Variants in SAMD12 observed in about 807,000 individuals in gnomAD.
The protein encoded by SAMD12 is sterile alpha motif domain containing 12.
In SAMD12, 9 loss-of-function variants were observed where a neutral mutation model predicts 15.0. The observed-to-expected ratio is 0.60, with a 90% CI of 0.36 to 1.05. The LOEUF is 1.05. Among genes scored for constraint, SAMD12 ranks in the 50% least tolerant of loss-of-function variants. The pLI is 0.01. For synonymous variants in SAMD12, 86 were observed against 90.1 expected, an observed-to-expected ratio of 0.96 and a Z score of 0.25; for missense variants, 230 against 234.2, an observed-to-expected ratio of 0.98 and a Z score of 0.12.
intron 2 of SAMD12, among the ~76,000 whole-genome samples, chr8:118,538,795 G>A (rs1825914930): frequency 6.6e-6 from 1 of 152,178 alleles, no homozygotes; most frequent in Non-Finnish European, 1.5e-5. Flanking sequence ...AGGTGTTCCT[G>A]CAGGAAGGAT....
rs550176801 is a variant in SAMD12 at position 118,276,648 on chromosome 8, T to C, written c.434-78916A>G. Among the ~76,000 whole-genome samples, 7 of 152,280 alleles carry C rather than the reference T, an allele frequency of 4.6e-5. No homozygotes were observed. The South Asian group carries it at 1.5e-3, about 32-fold the overall frequency. On this transcript the variant is annotated intron_variant, in intron 4 of 4. Transcript: ENST00000409003. ...TTGTTTTTACAACTTTTTTGTTTTGTAGTATTTGTTTCATTTTTCTATATT... is the reference window on the plus strand; with the variant it reads ...TTGTTTTTACAACTTTTTTGTTTTGCAGTATTTGTTTCATTTTTCTATATT...
At chr8:118,468,526 T>G (rs985590938) in intron 2 of SAMD12, among the ~76,000 whole-genome samples, 2 of 152,202 alleles carry the variant, frequency 1.3e-5, no homozygotes, top group African/African-American at 4.8e-5. Context: ...AGCAATGTTC[T>G]ATTTTTAATA....
chr8:118,181,744 G>A, the SAMD12 span, among the ~76,000 whole-genome samples: 1 of 152,146 alleles, frequency 6.6e-6, no homozygotes, highest in Admixed American at 6.5e-5. Context: ...TCTGCTTAAG[G>A]TAGTTTGAGT....
chr8:118,551,556 T>C (rs576856617), intron 2 of SAMD12, among the ~76,000 whole-genome samples: 13 of 152,002 alleles, frequency 8.6e-5, no homozygotes, highest in South Asian at 6.3e-4. Flanking sequence ...TAGCAGTAAA[T>C]GCCAACAAGA....
At position 118,552,681 on chromosome 8, in the gene SAMD12, G is replaced by A. The variant is rs568517283; in HGVS notation, c.192+28034C>T. On this transcript the variant is annotated intron_variant, in intron 2 of 3. Coordinates refer to ENST00000314727, the MANE Select transcript of SAMD12 (RefSeq NM_207506.3). ...ATGTAGTGTTGGAAGTTCTGGCCAC[G>A]GCAATTAGGCAGGAGAAGGAAATAA... 5.2e-4 allele frequency among the ~76,000 whole-genome samples: 79 copies of A among 152,202 alleles called. 1 individual carries two copies. The highest frequency in any genetic ancestry group is 8.4e-4 in the Non-Finnish European group (57 of 68,006).
At chr8:118,338,458 T>A (rs1276818695) in intron 4 of SAMD12, among the ~76,000 whole-genome samples, 1 of 152,216 alleles carries the variant, frequency 6.6e-6, no homozygotes, top group African/African-American at 2.4e-5. Flanking sequence ...CTTTTTGAAT[T>A]CCAATGTGGA....
At chr8:118,311,245 GA>G (rs1297494937) in intron 4 of SAMD12, among the ~76,000 whole-genome samples, 2 of 152,144 alleles carry the variant, frequency 1.3e-5, no homozygotes, top group African/African-American at 2.4e-5. Flanking sequence ...GATTTCTGAA[GA>G]AAAAAAATGA....
chr8:118,362,700 G>T (rs1258223944), intron 4 of SAMD12, among the ~76,000 whole-genome samples: 1 of 152,164 alleles, frequency 6.6e-6, no homozygotes, highest in Non-Finnish European at 1.5e-5. Flanking sequence ...TTACATAGCA[G>T]ATACTTCAAA....
chr8:118,343,428 G>A (rs1817473681), intron 4 of SAMD12, among the ~76,000 whole-genome samples: 1 of 151,946 alleles, frequency 6.6e-6, no homozygotes, highest in South Asian at 2.1e-4. Flanking sequence ...TGACAGGGGA[G>A]TAGTATCAAA....
intron 4 of SAMD12, among the ~76,000 whole-genome samples, chr8:118,340,312 T>C (rs1817291506): frequency 1.3e-5 from 2 of 150,248 alleles, no homozygotes; most frequent in South Asian, 2.1e-4. Flanking sequence ...GGTGACAAAT[T>C]CTTGACCTTA....
At chr8:118,551,871 A>C (rs1481122566) in intron 2 of SAMD12, among the ~76,000 whole-genome samples, 1 of 151,734 alleles carries the variant, frequency 6.6e-6, no homozygotes, top group Non-Finnish European at 1.5e-5. Context: ...CAGAAATACA[A>C]ACTACCATCA....
At chr8:118,396,342 C>A (rs1820564499) in intron 3 of SAMD12, among the ~76,000 whole-genome samples, 1 of 152,086 alleles carries the variant, frequency 6.6e-6, no homozygotes, top group African/African-American at 2.4e-5. Context: ...TGACTCAATG[C>A]CTTCATTTCA....
At chr8:118,404,299 C>T (rs1488840348) in intron 3 of SAMD12, among the ~76,000 whole-genome samples, 4 of 152,056 alleles carry the variant, frequency 2.6e-5, no homozygotes, top group African/African-American at 9.7e-5. Flanking sequence ...TTGTTATTTA[C>T]CTTGCTTGGT....
chr8:118,619,067 G>A (rs1828321385), intron 1 of SAMD12, among the ~76,000 whole-genome samples: 1 of 152,128 alleles, frequency 6.6e-6, no homozygotes, highest in Admixed American at 6.5e-5. Context: ...GGATGGCCAT[G>A]CGCTGCAGGA....
chr8:118,317,735 A>T (rs1258717930), intron 4 of SAMD12, among the ~76,000 whole-genome samples: 2 of 152,188 alleles, frequency 1.3e-5, no homozygotes, highest in East Asian at 3.8e-4. Flanking sequence ...TGTACAATTA[A>T]TATAGGTGTA....
At chr8:118,533,412 T>C (rs1368493705) in intron 2 of SAMD12, among the ~76,000 whole-genome samples, 1 of 152,216 alleles carries the variant, frequency 6.6e-6, no homozygotes, top group East Asian at 1.9e-4. Context: ...AGAATGTATA[T>C]TCTGTTGATT....
intron 4 of SAMD12, among the ~76,000 whole-genome samples, chr8:118,293,750 G>C (rs181580560): frequency 2.6e-5 from 4 of 151,988 alleles, no homozygotes; most frequent in Non-Finnish European, 4.4e-5. Context: ...CCCTACTCTC[G>C]GGGCTCAAAG....
chr8:118,163,286 C>T, the SAMD12 span, among the ~76,000 whole-genome samples: 1 of 152,072 alleles, frequency 6.6e-6, no homozygotes, highest in Admixed American at 6.6e-5. Flanking sequence ...CCCTCTGTTG[C>T]CCAGTTTGGT....
chr8:118,431,621 AACTAAGG>A (rs1175009990), intron 3 of SAMD12, among the ~76,000 whole-genome samples: 1 of 151,374 alleles, frequency 6.6e-6, no homozygotes. Context: ...TTTTCTCTGG[AACTAAGG>A]TACATGATGT....
Sources: allele counts gnomAD v4.1 joint callset (sites outside exome capture counted in the v4.1 genomes callset), GRCh38; gene constraint gnomAD v4.1.1; transcripts MANE v1.5; gene names NCBI Gene and HGNC (gene_info 2026-07-23, HGNC 2026-07-21).